Variants in KIF21A observed in about 807,000 individuals in gnomAD.
KIF21A encodes the protein kinesin-like protein KIF21A.
In KIF21A, 114 loss-of-function variants were observed where a neutral mutation model predicts 202.9. The observed-to-expected ratio is 0.56, with a 90% CI of 0.48 to 0.66. KIF21A has a LOEUF of 0.66. KIF21A is among the 30% of genes least tolerant of loss of function. KIF21A has a pLI of 0.00. For missense variants in KIF21A, 1,677 were observed against 1,994.9 expected (o/e 0.84, Z 3.04); for synonymous variants, 667 against 670.8 (o/e 0.99, Z 0.09).
At chr12:39,375,309 G>A (rs967785478) in intron 1 of KIF21A, among the ~76,000 whole-genome samples, 2 of 152,124 alleles carry the variant, frequency 1.3e-5, no homozygotes, top group Non-Finnish European at 2.9e-5. Flanking sequence ...GCAAAACTGA[G>A]TTTATACATT....
At chr12:39,402,867 A>C (rs965005375) in intron 1 of KIF21A, among the ~76,000 whole-genome samples, 1 of 152,170 alleles carries the variant, frequency 6.6e-6, no homozygotes, top group African/African-American at 2.4e-5. Context: ...ACACCCTTGC[A>C]TTATATTTAG....
intron 1 of KIF21A, among the ~76,000 whole-genome samples, chr12:39,384,403 C>T (rs2139499847): frequency 1.3e-5 from 2 of 152,248 alleles, no homozygotes; most frequent in Middle Eastern, 3.4e-3. Flanking sequence ...CAGTGGTTCA[C>T]AGCATGGGCT....
chr12:39,439,351 A>C (rs1409501485), intron 1 of KIF21A, among the ~76,000 whole-genome samples: 1 of 152,196 alleles, frequency 6.6e-6, no homozygotes, highest in Non-Finnish European at 1.5e-5. Flanking sequence ...ACTCAATGTA[A>C]GCAAAGTATT....
Position 39,341,552 on chromosome 12 carries a change from T to C in KIF21A, c.1874A>G (p.Asp625Gly), listed in dbSNP as rs758583396. The C allele has an allele frequency of 6.2e-7, 1 of 1,612,858 alleles. No individual in the cohort carries two copies. The highest frequency in any genetic ancestry group is 8.5e-7 in the Non-Finnish European group (1 of 1,179,270). Reference protein sequence around the residue: ...EEEEEEEDDIDGGESSDESDS... With the variant: ...EEEEEEEDDIGGGESSDESDS... ...TGATTCATCAGAACTTTCACCCCCA[T>C]CAATGTCATCTTCCTCCTCCTCCTC... Residue 625 changes from aspartate to glycine, a missense_variant, in exon 14 of 38, where the codon GAT (aspartate) becomes GGT (glycine). Physicochemically the swap from Asp to Gly is moderately conservative, Grantham distance 94 (BLOSUM62 -1). This residue lies in a region of KIF21A where 966 missense variants were observed against 1,180.9 expected (regional missense o/e 0.82). Transcript: ENST00000361418.
chr12:39,389,538 C>T (rs2139617963), intron 1 of KIF21A, among the ~76,000 whole-genome samples: 1 of 152,282 alleles, frequency 6.6e-6, no homozygotes, highest in East Asian at 1.9e-4. Context: ...GCCACTGCCA[C>T]CAGTCCATAA....
At chr12:39,419,218 A>ACTT (rs1166246911) in intron 1 of KIF21A, among the ~76,000 whole-genome samples, 15 of 152,214 alleles carry the variant, frequency 9.9e-5, no homozygotes, top group African/African-American at 3.6e-4. Context: ...TTCTAACAGT[A>ACTT]GAAATGCCTT....
chr12:39,401,463 C>T (rs1480846057), intron 1 of KIF21A, among the ~76,000 whole-genome samples: 1 of 152,106 alleles, frequency 6.6e-6, no homozygotes, highest in African/African-American at 2.4e-5. Context: ...AAACAAAAAA[C>T]ATTTCTAGGC....
intron 1 of KIF21A, among the ~76,000 whole-genome samples, chr12:39,408,923 G>T (rs1189770801): frequency 6.6e-6 from 1 of 151,816 alleles, no homozygotes; most frequent in African/African-American, 2.4e-5. Context: ...GGGCTCAAGT[G>T]ATCCTCCCAC....
chr12:39,331,715 T>C lies in KIF21A; in HGVS notation c.3128A>G (p.His1043Arg). 1 of 1,613,118 alleles carries C rather than the reference T, an allele frequency of 6.2e-7. No homozygotes were observed. Among genetic ancestry groups the C allele is most frequent in the South Asian group, 1.1e-5 (1 of 91,066 alleles). ...CTTATTGATGCCCATTGACAGGAAG[T>C]GATCTAGCAGGTATCGGGCTTCTGT... ...TLTEARYLLD[H>R]FLSMGINKGL... The change falls in exon 22 of 38, where the codon CAC (histidine) becomes CGC (arginine). Residue 1043 changes from histidine (H) to arginine (R), a missense_variant. His to Arg is a conservative substitution (Grantham distance 29, BLOSUM62 0). Transcript: ENST00000361418.
chr12:39,355,102 C>T (rs1346452317), intron 10 of KIF21A, among the ~76,000 whole-genome samples: 1 of 152,094 alleles, frequency 6.6e-6, no homozygotes, highest in Non-Finnish European at 1.5e-5. Context: ...CCATCAGAGA[C>T]AAGTTGAGAA....
Position 39,307,621 on chromosome 12 carries a change from A to T in KIF21A, c.4386T>A (p.Thr1462=), listed in dbSNP as rs1210151630. ...NQINQIALNP[T]GTFLYAASGN... ...CAGAAGCAGCATAGAGGAAGGTGCC[A>T]GTTGGGTTTAGGGCAATTTGATTGA... The change falls in exon 34 of 38, where the codon ACT becomes ACA. Residue 1462 remains threonine (T), a synonymous_variant. Coordinates refer to ENST00000361418, the MANE Select transcript of KIF21A (RefSeq NM_001173464.2). 6.2e-7 allele frequency: 1 copy of T among 1,614,150 alleles called. No homozygotes were observed. Among genetic ancestry groups the T allele is most frequent in the Admixed American group, 1.7e-5 (1 of 60,026 alleles).
intron 1 of KIF21A, among the ~76,000 whole-genome samples, chr12:39,439,281 T>C (rs1482517223): frequency 2.0e-5 from 3 of 152,194 alleles, no homozygotes; most frequent in African/African-American, 7.2e-5. Flanking sequence ...TAAGTTATAG[T>C]GCAGTGGTAT....
chr12:39,406,171 CCAAA>C (rs1422733393), intron 1 of KIF21A, among the ~76,000 whole-genome samples: 5 of 151,492 alleles, frequency 3.3e-5, no homozygotes, highest in Admixed American at 2.6e-4. Flanking sequence ...AAAAAAAAAG[CCAAA>C]CAAACACAAA....
At chr12:39,310,851 A>C (rs1305313748) in intron 32 of KIF21A, among the ~76,000 whole-genome samples, 1 of 152,070 alleles carries the variant, frequency 6.6e-6, no homozygotes, top group Non-Finnish European at 1.5e-5. Flanking sequence ...TTAAGAGTGC[A>C]GGATTGAAGA....
intron 32 of KIF21A, among the ~76,000 whole-genome samples, chr12:39,310,307 A>G (rs1476570131): frequency 6.6e-6 from 1 of 152,100 alleles, no homozygotes; most frequent in Non-Finnish European, 1.5e-5. Context: ...AATTTGAATC[A>G]TTAGAAAAAC....
At chr12:39,341,953 A>T in intron 13 of KIF21A, 81 bp downstream of exon 13, 1 of 938,832 alleles carries the variant, frequency 1.1e-6, no homozygotes, top group Non-Finnish European at 1.7e-6. Context: ...ACTTTTCTAC[A>T]AGTAAGTTAG....
intron 3 of KIF21A, 47 bp downstream of exon 3, chr12:39,369,682 A>G: frequency 6.9e-7 from 1 of 1,454,104 alleles, no homozygotes; most frequent in Non-Finnish European, 9.6e-7. Context: ...AACACAGTCT[A>G]TAAGAACAAA....
intron 1 of KIF21A, among the ~76,000 whole-genome samples, chr12:39,397,876 A>C (rs1951875189): frequency 6.6e-6 from 1 of 152,266 alleles, no homozygotes; most frequent in Non-Finnish European, 1.5e-5. Context: ...AGCTGAATGC[A>C]GAGCTTACAG....
At chr12:39,393,430 A>G (rs559588218) in intron 1 of KIF21A, among the ~76,000 whole-genome samples, 3 of 152,128 alleles carry the variant, frequency 2.0e-5, no homozygotes, top group Non-Finnish European at 4.4e-5. Flanking sequence ...CCTCCCTCCA[A>G]TGGACTAATC....
Sources: allele counts gnomAD v4.1 joint callset (sites outside exome capture counted in the v4.1 genomes callset), GRCh38; gene constraint gnomAD v4.1.1; regional missense constraint gnomAD v4.1.1; transcripts MANE v1.5; gene names NCBI Gene and HGNC (gene_info 2026-07-23, HGNC 2026-07-21).